Variants in MZT2A observed in about 807,000 individuals in gnomAD.
The protein encoded by MZT2A is mitotic spindle organizing protein 2A, also known as mitotic-spindle organizing protein 2A.
Under a neutral mutation model 12.4 loss-of-function variants are expected in MZT2A, and 8 were observed. The ratio of observed to expected loss-of-function variants is 0.64; its 90% CI spans 0.38 to 1.16. MZT2A has a LOEUF of 1.16. MZT2A is among the 50% of genes most tolerant of loss of function. The pLI is 0.01. For synonymous variants in MZT2A, 88 were observed against 107.5 expected (o/e 0.82, Z 1.12); for missense variants, 181 against 223.6 (o/e 0.81, Z 1.22).
chr2:131,474,405 C>CTTTTTTTTTTT (rs70994777), intron 2 of MZT2A, among the ~76,000 whole-genome samples: 1 of 94,834 alleles, frequency 1.1e-5, no homozygotes, highest in African/African-American at 3.8e-5. Flanking sequence ...TCTTCTTCTT[C>CTTTTTTTTTTT]TTTTTTTTTT....
intron 2 of MZT2A, among the ~76,000 whole-genome samples, chr2:131,484,811 T>A (rs1678991666): frequency 6.6e-6 from 1 of 152,188 alleles, no homozygotes; most frequent in Non-Finnish European, 1.5e-5. Flanking sequence ...GCTGCCAGAT[T>A]CCATGACAGG....
At chr2:131,483,850 C>G, downstream of MZT2A, 2 of 1,134,628 alleles carry the variant, frequency 1.8e-6, no homozygotes, top group Non-Finnish European at 2.3e-6. Flanking sequence ...GAAGTTGACC[C>G]ATGGTGAAGG....
At chr2:131,483,930 A>AT (rs1678944523), downstream of MZT2A, 27 of 106,556 alleles carry the variant, frequency 2.5e-4, no homozygotes, top group Non-Finnish European at 3.3e-4. Flanking sequence ...GCCTTAATAT[A>AT]AAAAAAAAAA....
chr2:131,484,047 G>A lies in MZT2A; in HGVS notation c.*14C>T. The A allele has an allele frequency of 4.4e-6, 7 of 1,594,664 alleles. No homozygotes were observed. The highest frequency in any genetic ancestry group is 6.0e-6 in the Non-Finnish European group (7 of 1,166,526). On this transcript the variant is annotated 3_prime_UTR_variant, in exon 3 of 3. Coordinates refer to ENST00000309451, the MANE Select transcript of MZT2A (RefSeq NM_001085365.2). Reference sequence around the variant, plus strand: ...TTTGCTGGGGACAAAGATGTGACAAGTCTCTGCCCCATCCTAGGTGCTGCC... The same window carrying A: ...TTTGCTGGGGACAAAGATGTGACAAATCTCTGCCCCATCCTAGGTGCTGCC...
At chr2:131,492,861 T>G, upstream of MZT2A, 1 of 1,490,622 alleles carries the variant, frequency 6.7e-7, no homozygotes, top group South Asian at 1.2e-5. Context: ...GCGTGAGCCC[T>G]ACCTTGGGGC....
At chr2:131,490,652 T>C in intron 2 of MZT2A, 4 of 1,549,132 alleles carry the variant, frequency 2.6e-6, no homozygotes, top group Non-Finnish European at 3.5e-6. Flanking sequence ...CTTGGGGCCA[T>C]GCAGTTTCCA....
At chr2:131,484,277 G>A (rs1390267851) in intron 2 of MZT2A, 59 bp from the exon 3 acceptor site, 21 of 1,588,938 alleles carry the variant, frequency 1.3e-5, no homozygotes, top group Non-Finnish European at 1.7e-5. Context: ...TGCAGCACCT[G>A]CTGTACTCGT....
chr2:131,474,233 G>A (rs2105265041), intron 2 of MZT2A, among the ~76,000 whole-genome samples: 1 of 151,658 alleles, frequency 6.6e-6, no homozygotes, highest in South Asian at 2.1e-4. Flanking sequence ...GAGTAGCTGG[G>A]ACTGCAGGCA....
At chr2:131,492,639 G>C (rs941443861), upstream of MZT2A, 17 of 1,237,706 alleles carry the variant, frequency 1.4e-5, no homozygotes, top group Middle Eastern at 1.0e-3. Flanking sequence ...GGGCGTCCCT[G>C]ATAGACTTGC....
chr2:131,476,292 G>C, intron 2 of MZT2A: 2 of 1,600,338 alleles, frequency 1.2e-6, no homozygotes, highest in Non-Finnish European at 1.7e-6. Flanking sequence ...GGGCCTGGGC[G>C]CTGAGAGGAG....
chr2:131,471,464 AAG>A (rs1427718187), intron 3 of MZT2A, among the ~76,000 whole-genome samples: 1 of 145,350 alleles, frequency 6.9e-6, no homozygotes, highest in African/African-American at 2.8e-5. Context: ...AAAAGAAAAA[AAG>A]AAAAGAAAAA....
chr2:131,479,344 A>C (rs748586493), downstream of MZT2A: 1 of 1,614,058 alleles, frequency 6.2e-7, no homozygotes, highest in Non-Finnish European at 8.5e-7. Context: ...CAGCTCTTCC[A>C]CCCGGAGCAG....
At chr2:131,483,036 G>A (rs1678915124), downstream of MZT2A, 3 of 989,936 alleles carry the variant, frequency 3.0e-6, no homozygotes, top group South Asian at 3.5e-5. Context: ...TGCTGCTGGT[G>A]TGGGGTTGGG....
intron 2 of MZT2A, chr2:131,472,212 AT>A: frequency 1.6e-6 from 2 of 1,279,278 alleles, no homozygotes; most frequent in Middle Eastern, 4.3e-4. Flanking sequence ...AGAGGAAATA[AT>A]TTGTGTTACT....
upstream of MZT2A, chr2:131,492,491 G>C: frequency 2.6e-6 from 3 of 1,132,992 alleles, no homozygotes; most frequent in Non-Finnish European, 3.2e-6. Flanking sequence ...TGGCGGGAGC[G>C]GCGGGAGCGC....
chr2:131,482,414 A>G (rs569561891), downstream of MZT2A: 26 of 1,339,528 alleles, frequency 1.9e-5, no homozygotes, highest in Non-Finnish European at 2.6e-5. Context: ...GGTGCAGAGA[A>G]GGGCTTAGTG....
chr2:131,474,915 G>A (rs1467876038), intron 2 of MZT2A, among the ~76,000 whole-genome samples: 2 of 151,932 alleles, frequency 1.3e-5, no homozygotes, highest in Non-Finnish European at 2.9e-5. Flanking sequence ...AATATATTAA[G>A]ACAACTTGCA....
intron 2 of MZT2A, among the ~76,000 whole-genome samples, chr2:131,476,526 C>G (rs1437534649): frequency 5.3e-5 from 8 of 152,170 alleles, no homozygotes; most frequent in Non-Finnish European, 7.3e-5. Flanking sequence ...TTGTGCTACT[C>G]GAAACAACTG....
intron 2 of MZT2A, chr2:131,490,100 G>T: frequency 1.3e-6 from 1 of 749,704 alleles, no homozygotes; most frequent in Non-Finnish European, 1.6e-6. Context: ...GGGTGGCAGT[G>T]AGGTGGCCGC....
Sources: gnomAD v4.1 joint callset for allele counts (sites outside exome capture counted in the v4.1 genomes callset) on GRCh38, gnomAD v4.1.1 for gene constraint, MANE v1.5 for transcripts, NCBI Gene and HGNC (gene_info 2026-07-23, HGNC 2026-07-21) for gene names.